Variants in RALGPS2 observed in about 807,000 individuals in gnomAD.
RALGPS2 encodes ras-specific guanine nucleotide-releasing factor RalGPS2.
Under a neutral mutation model 86.8 loss-of-function variants are expected in RALGPS2, and 43 were observed. That is an observed-to-expected ratio of 0.50 (90% CI 0.39 to 0.64). RALGPS2 has a LOEUF of 0.64. RALGPS2 is among the 30% of genes least tolerant of loss of function. RALGPS2 has a pLI of 0.00. For synonymous variants in RALGPS2, 243 were observed against 231.3 expected (o/e 1.05, Z -0.46); for missense variants, 536 against 694.6 (o/e 0.77, Z 2.57).
chr1:178,805,571 C>G (rs893199171), intron 4 of RALGPS2, among the ~76,000 whole-genome samples: 1 of 152,078 alleles, frequency 6.6e-6, no homozygotes, highest in Non-Finnish European at 1.5e-5. Context: ...TCAGGTTTGT[C>G]AAAGATCAGA....
At chr1:178,733,920 A>G (rs2102007559) in intron 1 of RALGPS2, among the ~76,000 whole-genome samples, 1 of 152,376 alleles carries the variant, frequency 6.6e-6, no homozygotes, top group African/African-American at 2.4e-5. Context: ...GATGCCATCA[A>G]GAATGTGAAA....
intron 4 of RALGPS2, among the ~76,000 whole-genome samples, chr1:178,802,605 A>G (rs1454186041): frequency 6.6e-6 from 1 of 152,206 alleles, no homozygotes; most frequent in African/African-American, 2.4e-5. Flanking sequence ...AATACTCTCT[A>G]CACTTAAACT....
intron 7 of RALGPS2, among the ~76,000 whole-genome samples, chr1:178,832,323 T>C (rs1397222594): frequency 6.6e-6 from 1 of 152,210 alleles, no homozygotes; most frequent in African/African-American, 2.4e-5. Flanking sequence ...CTGAAGATAG[T>C]CTGCATCTTT....
At chr1:178,809,652 C>G (rs1654886301) in intron 5 of RALGPS2, among the ~76,000 whole-genome samples, 1 of 151,968 alleles carries the variant, frequency 6.6e-6, no homozygotes, top group Admixed American at 6.6e-5. Flanking sequence ...GGTCAGTGTT[C>G]TTAAATGTAG....
At chr1:178,833,320 T>C (rs1036020875) in intron 7 of RALGPS2, 104 bp from the exon 8 acceptor site, 5 of 1,095,770 alleles carry the variant, frequency 4.6e-6, no homozygotes, top group South Asian at 2.7e-5. Flanking sequence ...GATATAACTT[T>C]GAAATTAAAA....
intron 2 of RALGPS2, among the ~76,000 whole-genome samples, chr1:178,779,476 C>T (rs924116022): frequency 5.3e-5 from 8 of 152,158 alleles, no homozygotes; most frequent in Admixed American, 2.6e-4. Flanking sequence ...CTTGATATCA[C>T]TGAAAATAGT....
chr1:178,883,185 C>G (rs1378059154), intron 10 of RALGPS2, among the ~76,000 whole-genome samples: 1 of 152,168 alleles, frequency 6.6e-6, no homozygotes, highest in Non-Finnish European at 1.5e-5. Flanking sequence ...GACTTAACAT[C>G]TTAATTAAAA....
At chr1:178,731,260 C>G (rs1047368432) in intron 1 of RALGPS2, among the ~76,000 whole-genome samples, 1 of 82,660 alleles carries the variant, frequency 1.2e-5, no homozygotes, top group Non-Finnish European at 2.6e-5. Context: ...TTATACTTTT[C>G]TAGTTGTTTT....
intron 4 of RALGPS2, among the ~76,000 whole-genome samples, chr1:178,788,607 C>G (rs1040145814): frequency 1.3e-5 from 2 of 151,966 alleles, no homozygotes; most frequent in Admixed American, 6.6e-5. Context: ...AAGGGAAAGT[C>G]GGGGCAAAGG....
intron 16 of RALGPS2, among the ~76,000 whole-genome samples, chr1:178,897,396 AAG>A (rs1274813987): frequency 2.0e-5 from 3 of 152,120 alleles, no homozygotes; most frequent in Admixed American, 2.0e-4. Context: ...AGGGCATAAA[AAG>A]AGAGTTGAGT....
intron 8 of RALGPS2, among the ~76,000 whole-genome samples, chr1:178,860,467 TCAC>T (rs1167988385): frequency 2.0e-5 from 3 of 152,204 alleles, no homozygotes; most frequent in Non-Finnish European, 4.4e-5. Context: ...ATTACTGTCT[TCAC>T]CATTTTTAAA....
Position 178,823,890 on chromosome 1 carries a change from G to GTTA in RALGPS2, c.480+2188_480+2190dup, listed in dbSNP as rs1572368997. Reference sequence around the variant, plus strand: ...GAGTGGTTGGGGCTAGAGAGAGATTGTTATAATCATCAATGTAAACTATTT... The same window carrying GTTA: ...GAGTGGTTGGGGCTAGAGAGAGATTGTTATTATAATCATCAATGTAAACTATTT... On this transcript the variant is annotated intron_variant, in intron 7 of 19. Transcript: ENST00000367635. Among the ~76,000 whole-genome samples, 3 of 152,240 alleles carry GTTA rather than the reference G, an allele frequency of 2.0e-5. No homozygotes were observed. The East Asian group carries it at 5.8e-4, about 29-fold the overall frequency.
chr1:178,780,395 G>C (rs1653331769), intron 2 of RALGPS2, among the ~76,000 whole-genome samples: 1 of 152,130 alleles, frequency 6.6e-6, no homozygotes, highest in Non-Finnish European at 1.5e-5. Flanking sequence ...TTAGTTGGGT[G>C]TTGCACTTAT....
chr1:178,858,120 C>T (rs955724593), intron 8 of RALGPS2, among the ~76,000 whole-genome samples: 1 of 152,004 alleles, frequency 6.6e-6, no homozygotes, highest in Non-Finnish European at 1.5e-5. Context: ...TTAGCAGTGC[C>T]TAAAGCTATT....
At chr1:178,853,215 A>G in intron 8 of RALGPS2, 1 of 985,262 alleles carries the variant, frequency 1.0e-6, no homozygotes, top group African/African-American at 1.7e-5. Context: ...TGCAAATGAG[A>G]ATAAAATTTA....
intron 11 of RALGPS2, among the ~76,000 whole-genome samples, chr1:178,884,509 G>A (rs1659393574): frequency 6.6e-6 from 1 of 151,892 alleles, no homozygotes. Context: ...ATGTCTATGG[G>A]GAAGAATATT....
chr1:178,765,080 A>G (rs1652430587), intron 1 of RALGPS2, among the ~76,000 whole-genome samples: 1 of 151,986 alleles, frequency 6.6e-6, no homozygotes, highest in Non-Finnish European at 1.5e-5. Flanking sequence ...GCCTCCCCAG[A>G]AGCAGAAGCT....
At chr1:178,911,140 C>A (rs1001745026) in intron 19 of RALGPS2, among the ~76,000 whole-genome samples, 1 of 152,106 alleles carries the variant, frequency 6.6e-6, no homozygotes, top group Non-Finnish European at 1.5e-5. Flanking sequence ...TGGATCTTTT[C>A]TCTTGTTTTA....
At position 178,785,646 on chromosome 1, in the gene RALGPS2, AC is replaced by A. The variant is rs746422593; in HGVS notation, c.213+40del. On this transcript the variant is annotated intron_variant, in intron 4 of 19. Transcript: ENST00000367635. ...AGAATGTTCCTTTTAAATATAGAAA[AC>A]GATCAATCTCAAATTAAGTGTTTTA... 3.9e-6 allele frequency: 6 copies of A among 1,534,458 alleles called. No homozygotes were observed. The East Asian group carries it at 1.4e-4, about 37-fold the overall frequency.
Sources: allele counts gnomAD v4.1 joint callset (sites outside exome capture counted in the v4.1 genomes callset), GRCh38; gene constraint gnomAD v4.1.1; transcripts MANE v1.5; gene names NCBI Gene and HGNC (gene_info 2026-07-23, HGNC 2026-07-21).